PXDC1: variants seen among roughly 807,000 people sequenced by gnomAD.
PXDC1 encodes PX domain-containing protein 1.
In PXDC1, 13 loss-of-function variants were observed where a neutral mutation model predicts 24.4. That is an observed-to-expected ratio of 0.53 (90% confidence interval 0.35 to 0.85). PXDC1 has a LOEUF of 0.85. Ranked by LOEUF, PXDC1 falls within the 40% of genes least tolerant of loss-of-function variation. PXDC1 has a pLI of 0.01. For missense variants in PXDC1, 344 were observed against 309.3 expected (o/e 1.11, Z -0.84); for synonymous variants, 162 against 124.9 (o/e 1.30, Z -1.98).
chr6:3,731,603 C>T (rs895845551), intron 3 of PXDC1, among the ~76,000 whole-genome samples: 16 of 152,232 alleles, frequency 1.1e-4, no homozygotes, highest in Non-Finnish European at 2.9e-5. Context: ...ACCTCCTTCA[C>T]TTGAATTTCA....
intron 3 of PXDC1, among the ~76,000 whole-genome samples, chr6:3,729,584 C>A (rs1025738877): frequency 6.6e-6 from 1 of 152,152 alleles, no homozygotes; most frequent in Non-Finnish European, 1.5e-5. Flanking sequence ...GTAAAAGGGG[C>A]GAAAGAAGAT....
At chr6:3,741,098 G>C (rs1038824877) in intron 1 of PXDC1, among the ~76,000 whole-genome samples, 1 of 152,238 alleles carries the variant, frequency 6.6e-6, no homozygotes, top group African/African-American at 2.4e-5. Context: ...CCCAGTCTCG[G>C]TCTTCTCGTC....
rs752719487 is a variant in PXDC1, at chr6:3,751,527, G to C, written c.5C>G (p.Ala2Gly). The C allele has an allele frequency of 6.3e-7, 1 of 1,580,304 alleles. No individual in the cohort carries two copies. Among genetic ancestry groups the C allele is most frequent in the Non-Finnish European group, 8.6e-7 (1 of 1,165,952 alleles). Reference sequence around the variant, plus strand: ...CGACGTGCCCTCAAACACCGCCGAGGCCATGTCGCACGCATGCCCCCGCCA... The same window carrying C: ...CGACGTGCCCTCAAACACCGCCGAGCCCATGTCGCACGCATGCCCCCGCCA... The part of the protein sequence containing the change: M[A>G]SAVFEGTSLV... The change falls in exon 1 of 5, where the codon GCC becomes GGC. Residue 2 changes from alanine to glycine, a missense_variant. Coordinates refer to ENST00000380283, the MANE Select transcript of PXDC1 (RefSeq NM_183373.4).
chr6:3,742,295 C>T (rs1760465466), intron 1 of PXDC1, among the ~76,000 whole-genome samples: 1 of 152,208 alleles, frequency 6.6e-6, no homozygotes, highest in Admixed American at 6.5e-5. Context: ...CAAATGTTGT[C>T]ACCTGTTTAC....
chr6:3,744,294 C>G (rs1257310686), intron 1 of PXDC1, among the ~76,000 whole-genome samples: 1 of 152,208 alleles, frequency 6.6e-6, no homozygotes, highest in East Asian at 1.9e-4. Context: ...CCCATGGCTC[C>G]TCCTCCACCA....
chr6:3,732,313 C>T (rs1561733130), intron 3 of PXDC1, among the ~76,000 whole-genome samples: 1 of 152,204 alleles, frequency 6.6e-6, no homozygotes, highest in Non-Finnish European at 1.5e-5. Flanking sequence ...CCATGTACTC[C>T]AGCAACGGAA....
chr6:3,724,071 T>C lies in PXDC1; in HGVS notation c.579-335A>G, dbSNP rs1760001478. Reference sequence around the variant, plus strand: ...CAGTGAACAAGGCAGGCAGGGTCTGTCCTCAGGGAAGAGGCGCCTGCCTCG... The same window carrying C: ...CAGTGAACAAGGCAGGCAGGGTCTGCCCTCAGGGAAGAGGCGCCTGCCTCG... On this transcript the variant is annotated intron_variant, in intron 4 of 4. Coordinates refer to ENST00000380283, the MANE Select transcript of PXDC1 (RefSeq NM_183373.4). The surrounding 1 kb of genome is among the most constrained non-coding windows in gnomAD (Gnocchi z 4.5). Among the ~76,000 whole-genome samples the C allele has an allele frequency of 1.3e-5, 2 of 152,190 alleles. No homozygotes were observed. Among genetic ancestry groups the C allele is most frequent in the Non-Finnish European group, 2.9e-5 (2 of 68,028 alleles).
intron 3 of PXDC1, among the ~76,000 whole-genome samples, chr6:3,731,375 C>T (rs1760192688): frequency 6.6e-6 from 1 of 152,192 alleles, no homozygotes; most frequent in Non-Finnish European, 1.5e-5. Flanking sequence ...AGCATCTGAG[C>T]CTCTCTTCAA....
rs1220425517 is a variant in PXDC1, at chr6:3,736,114, A to C, written c.466+965T>G. On this transcript the variant is annotated intron_variant, in intron 3 of 4. Transcript: ENST00000380283. ...AATCAGCAAGGCCACGTTCACAGCC[A>C]ACAGCATCAGTCACCCATCCCCACT... 2.6e-5 allele frequency among the ~76,000 whole-genome samples: 4 copies of C among 152,272 alleles called. No homozygotes were observed. In the East Asian group the frequency reaches 5.8e-4, roughly 22 times the overall value.
intron 3 of PXDC1, among the ~76,000 whole-genome samples, chr6:3,731,274 C>A (rs951151808): frequency 6.6e-6 from 1 of 152,176 alleles, no homozygotes; most frequent in Admixed American, 6.5e-5. Context: ...TTCCTCACAG[C>A]TATTATGATC....
At position 3,742,870 on chromosome 6, in the gene PXDC1, T is replaced by G. The variant is rs373322284; in HGVS notation, c.257-4722A>C. On this transcript the variant is annotated intron_variant, in intron 1 of 4. Coordinates refer to ENST00000380283, the MANE Select transcript of PXDC1 (RefSeq NM_183373.4). ...ATCAACAGGGGGCTGCCAGCGTCAC[T>G]TTTCTTCCTAAAGGAGTTAGGTCTC... is the stretch of plus-strand genomic sequence containing the variant. 1.4e-4 allele frequency among the ~76,000 whole-genome samples: 21 copies of G among 152,176 alleles called. No individual in the cohort carries two copies. The East Asian group carries it at 1.9e-3, about 14-fold the overall frequency.
chr6:3,729,303 T>C (rs2127598259), intron 3 of PXDC1, among the ~76,000 whole-genome samples: 1 of 152,190 alleles, frequency 6.6e-6, no homozygotes, highest in East Asian at 1.9e-4. Context: ...ATTAGGGAAA[T>C]TACACAAAAA....
At chr6:3,732,003 T>G (rs1378881065) in intron 3 of PXDC1, among the ~76,000 whole-genome samples, 3 of 152,250 alleles carry the variant, frequency 2.0e-5, no homozygotes, top group Non-Finnish European at 4.4e-5. Flanking sequence ...TTTCCCTTTG[T>G]AGTTAATTGA....
chr6:3,726,484 CG>C (rs1225240386), intron 4 of PXDC1, among the ~76,000 whole-genome samples: 1 of 152,230 alleles, frequency 6.6e-6, no homozygotes, highest in Non-Finnish European at 1.5e-5. Flanking sequence ...ACCATCTACC[CG>C]GGAGACACAC....
intron 3 of PXDC1, among the ~76,000 whole-genome samples, chr6:3,733,329 G>A (rs1236822959): frequency 6.6e-6 from 1 of 152,164 alleles, no homozygotes; most frequent in Non-Finnish European, 1.5e-5. Flanking sequence ...CTGAGAACAT[G>A]GTGTGCCTAT....
In PXDC1 at chr6:3,726,544, G is replaced by A. The variant is rs1760071690; in HGVS notation, c.578+1007C>T. Among the ~76,000 whole-genome samples, 3 of 152,236 alleles carry A rather than the reference G, an allele frequency of 2.0e-5. No homozygotes were observed. In the South Asian group the frequency reaches 6.2e-4, roughly 32 times the overall value. ...AGGAGCCAGTCCCACAAGCCTGACA[G>A]GGACCCCCCCATGCTCAGTCATGGA... On this transcript the variant is annotated intron_variant, in intron 4 of 4. Coordinates refer to ENST00000380283, the MANE Select transcript of PXDC1 (RefSeq NM_183373.4).
At chr6:3,745,640 C>G (rs536246793) in intron 1 of PXDC1, among the ~76,000 whole-genome samples, 1 of 152,144 alleles carries the variant, frequency 6.6e-6, no homozygotes, top group Non-Finnish European at 1.5e-5. Context: ...CCTGACCCCT[C>G]TCACTGTAAC....
intron 1 of PXDC1, among the ~76,000 whole-genome samples, chr6:3,749,989 G>T (rs994317705): frequency 6.6e-6 from 1 of 152,238 alleles, no homozygotes; most frequent in Non-Finnish European, 1.5e-5. Flanking sequence ...CTGCTTCCAT[G>T]CTTGAAATAA....
In PXDC1 at chr6:3,738,140, C is replaced by T; in HGVS notation, c.265G>A (p.Ala89Thr). The change falls in exon 2 of 5, where the codon GCC becomes ACC. Residue 89 changes from alanine to threonine, a missense_variant. Ala to Thr is a moderately conservative substitution (Grantham distance 58). Coordinates refer to ENST00000380283, the MANE Select transcript of PXDC1 (RefSeq NM_183373.4). ...TCTATGTCGTGGGCTTCCTTTATGG[C>T]AACCAGTCCTAGAATTGAGACAGAA... ...AQGPLRQGLV[A>T]IKEAHDIETR... 1 of 1,613,576 alleles carries T rather than the reference C, an allele frequency of 6.2e-7. No homozygotes were observed. Among genetic ancestry groups the T allele is most frequent in the South Asian group, 1.1e-5 (1 of 91,072 alleles).
Sources: allele counts gnomAD v4.1 joint callset (sites outside exome capture counted in the v4.1 genomes callset), GRCh38; gene constraint gnomAD v4.1.1; non-coding constraint Gnocchi (gnomAD v3.1); transcripts MANE v1.5; gene names NCBI Gene and HGNC (gene_info 2026-07-23, HGNC 2026-07-21).